ATP9B: variants seen among roughly 807,000 people sequenced by gnomAD.
ATP9B encodes ATPase phospholipid transporting 9B.
ATP9B carries 110 observed loss-of-function variants against 146.1 expected under a neutral mutation model. The observed-to-expected ratio is 0.75, with a 90% CI of 0.65 to 0.88. The LOEUF is 0.88. Among genes scored for constraint, ATP9B ranks in the 40% least tolerant of loss-of-function variants. The pLI, the probability that ATP9B is intolerant of heterozygous loss-of-function variation, is 0.00. For missense variants in ATP9B, 1,499 were observed against 1,496.4 expected, an observed-to-expected ratio of 1.00 and a Z score of -0.03; for synonymous variants, 604 against 569.7, an observed-to-expected ratio of 1.06 and a Z score of -0.86.
intron 15 of ATP9B, among the ~76,000 whole-genome samples, chr18:79,327,045 C>T (rs982085615): frequency 7.2e-5 from 11 of 152,236 alleles, no homozygotes; most frequent in African/African-American, 2.7e-4. Flanking sequence ...GCCACAGAGC[C>T]AGAGCTCTTG....
chr18:79,326,105 GGTGTTAGGGTGTCACCTCTGTACC>G (rs1460281046), intron 15 of ATP9B, among the ~76,000 whole-genome samples: 44 of 35,680 alleles, frequency 1.2e-3, no homozygotes, highest in African/African-American at 5.4e-3. Context: ...CCCCTCACAT[GGTGTTAGGGTGTCACCTCTGTACC>G]CTCCCTCCCC....
chr18:79,201,781 G>A (rs560825013), intron 9 of ATP9B, among the ~76,000 whole-genome samples: 86 of 152,104 alleles, frequency 5.7e-4, no homozygotes, highest in Non-Finnish European at 9.4e-4. Flanking sequence ...TATTGGTCTC[G>A]AACTCCTGAC....
At chr18:79,114,039 C>T (rs909337279) in intron 4 of ATP9B, among the ~76,000 whole-genome samples, 9 of 152,126 alleles carry the variant, frequency 5.9e-5, no homozygotes, top group East Asian at 1.9e-4. Context: ...GGCACAATCT[C>T]GGCCCACTGC....
chr18:79,174,564 A>G (rs953517409), intron 7 of ATP9B, among the ~76,000 whole-genome samples: 1 of 147,212 alleles, frequency 6.8e-6, no homozygotes. Flanking sequence ...GTTTTCTTCT[A>G]AAACAATTCC....
chr18:79,203,307 C>T (rs1355713038), intron 9 of ATP9B, among the ~76,000 whole-genome samples: 7 of 146,264 alleles, frequency 4.8e-5, no homozygotes, highest in South Asian at 4.4e-4. Context: ...AGCAGGTACC[C>T]GATGCTTCTT....
chr18:79,147,793 C>G (rs911584849), intron 6 of ATP9B, among the ~76,000 whole-genome samples: 1 of 151,614 alleles, frequency 6.6e-6, no homozygotes, highest in Non-Finnish European at 1.5e-5. Context: ...TAAACCAAGG[C>G]AAGCAGAAGG....
At chr18:79,332,137 A>G (rs1020992672) in intron 17 of ATP9B, among the ~76,000 whole-genome samples, 1 of 152,392 alleles carries the variant, frequency 6.6e-6, no homozygotes, top group Middle Eastern at 3.4e-3. Context: ...AGTGTTATTA[A>G]GAAAATCATG....
chr18:79,276,975 G>A, intron 12 of ATP9B, 79 bp from the exon 13 acceptor site: 3 of 1,556,376 alleles, frequency 1.9e-6, no homozygotes, highest in Non-Finnish European at 2.6e-6. Flanking sequence ...ACTGCAGTGG[G>A]TTTTATCTGG....
At chr18:79,222,426 C>G (rs914883024) in intron 11 of ATP9B, among the ~76,000 whole-genome samples, 1 of 152,130 alleles carries the variant, frequency 6.6e-6, no homozygotes, top group Non-Finnish European at 1.5e-5. Context: ...CCTGGTTGTC[C>G]CCACACTCTA....
At chr18:79,133,624 T>C (rs1235694326) in intron 5 of ATP9B, among the ~76,000 whole-genome samples, 1 of 152,140 alleles carries the variant, frequency 6.6e-6, no homozygotes, top group Non-Finnish European at 1.5e-5. Flanking sequence ...CTCAAGTAGA[T>C]ACATAAACTC....
At chr18:79,172,815 T>G (rs2095099571) in intron 7 of ATP9B, among the ~76,000 whole-genome samples, 1 of 152,266 alleles carries the variant, frequency 6.6e-6, no homozygotes, top group African/African-American at 2.4e-5. Flanking sequence ...GTTTACAGGT[T>G]TTTGTTATAA....
chr18:79,243,154 T>G (rs2095905501), intron 11 of ATP9B, among the ~76,000 whole-genome samples: 1 of 152,254 alleles, frequency 6.6e-6, no homozygotes, highest in African/African-American at 2.4e-5. Flanking sequence ...ATTATTAGCT[T>G]CTGGTTAATA....
At chr18:79,088,299 T>C (rs1464097386) in intron 1 of ATP9B, among the ~76,000 whole-genome samples, 1 of 152,266 alleles carries the variant, frequency 6.6e-6, no homozygotes, top group African/African-American at 2.4e-5. Context: ...AAAAGTCTCA[T>C]TTAGGGTATT....
chr18:79,310,238 G>A (rs890911748), intron 15 of ATP9B, among the ~76,000 whole-genome samples: 4 of 152,212 alleles, frequency 2.6e-5, no homozygotes, highest in African/African-American at 7.2e-5. Context: ...CGGAGCTGGC[G>A]TGTGTGCGCC....
chr18:79,222,703 G>A (rs1027053297), intron 11 of ATP9B, among the ~76,000 whole-genome samples: 1 of 152,210 alleles, frequency 6.6e-6, no homozygotes, highest in Non-Finnish European at 1.5e-5. Flanking sequence ...GCTTATGACA[G>A]AGAGATTTAA....
chr18:79,184,562 ATTG>A (rs1386134355), intron 8 of ATP9B, among the ~76,000 whole-genome samples: 1 of 151,776 alleles, frequency 6.6e-6, no homozygotes, highest in African/African-American at 2.4e-5. Flanking sequence ...CATCTAGCTT[ATTG>A]TTCTCATACT....
chr18:79,155,677 AT>A (rs1243342468), intron 7 of ATP9B, among the ~76,000 whole-genome samples: 2 of 148,522 alleles, frequency 1.3e-5, no homozygotes, highest in African/African-American at 2.5e-5. Flanking sequence ...AGAGTTGTTG[AT>A]TTAATTTTTC....
Position 79,083,816 on chromosome 18 carries a change from A to G in ATP9B, c.120-12660A>G, listed in dbSNP as rs560166553. 2.7e-5 allele frequency among the ~76,000 whole-genome samples: 4 copies of G among 150,844 alleles called. No individual in the cohort carries two copies. The South Asian group carries it at 8.4e-4, about 32-fold the overall frequency. Reference sequence around the variant, plus strand: ...CAGAAATAACTCGCCTTTTGCCTTGATCTCATTGGGAGCTGCAGACCAGAG... The same window carrying G: ...CAGAAATAACTCGCCTTTTGCCTTGGTCTCATTGGGAGCTGCAGACCAGAG... On this transcript the variant is annotated intron_variant, in intron 1 of 29. Transcript: ENST00000426216.
chr18:79,076,360 G>GT (rs1346965236), intron 1 of ATP9B, among the ~76,000 whole-genome samples: 2 of 152,020 alleles, frequency 1.3e-5, no homozygotes, highest in African/African-American at 4.8e-5. Context: ...AATTCTCTTT[G>GT]TTTTCCTTCA....
Sources: gnomAD v4.1 joint callset for allele counts (sites outside exome capture counted in the v4.1 genomes callset) on GRCh38, gnomAD v4.1.1 for gene constraint, MANE v1.5 for transcripts, NCBI Gene and HGNC (gene_info 2026-07-23, HGNC 2026-07-21) for gene names.